SBK1: variants seen among roughly 807,000 people sequenced by gnomAD.
SBK1 encodes the protein SH3 domain binding kinase 1, also known as serine/threonine-protein kinase SBK1.
Under a neutral mutation model 24.4 loss-of-function variants are expected in SBK1, and 11 were observed. The ratio of observed to expected loss-of-function variants is 0.45; its 90% CI spans 0.28 to 0.75. SBK1 has a LOEUF of 0.75. SBK1 is among the 30% of genes least tolerant of loss of function. The pLI, the probability that SBK1 is intolerant of heterozygous loss-of-function variation, is 0.12. For synonymous variants in SBK1, 308 were observed against 284.4 expected, an observed-to-expected ratio of 1.08 and a Z score of -0.83; for missense variants, 467 against 620.5, an observed-to-expected ratio of 0.75 and a Z score of 2.63.
chr16:28,300,700 T>A (rs985818573), intron 1 of SBK1, among the ~76,000 whole-genome samples: 1 of 152,232 alleles, frequency 6.6e-6, no homozygotes, highest in Non-Finnish European at 1.5e-5. Context: ...CTCCTGAGAT[T>A]GTCATGAAGT....
In SBK1 at chr16:28,275,184, G is replaced by A. The variant is rs2044488601; in HGVS notation, c.257+15682G>A. 2.6e-5 allele frequency among the ~76,000 whole-genome samples: 4 copies of A among 152,160 alleles called. No homozygotes were observed. In the Middle Eastern group the frequency reaches 0.014, roughly 521 times the overall value. ...CATCTCTACAAAAAATTACAAATTA[G>A]CCAGTCACTGGGGCTTGTGCCTGTG... On this transcript the variant is annotated intron_variant, in intron 1 of 3. Coordinates refer to the SBK1 transcript ENST00000671413.
intron 1 of SBK1, among the ~76,000 whole-genome samples, chr16:28,283,432 G>C (rs942770151): frequency 6.6e-5 from 10 of 152,096 alleles, no homozygotes; most frequent in African/African-American, 2.4e-4. Flanking sequence ...CTGCTGTGTT[G>C]GCCTCCTCCT....
At position 28,322,945 on chromosome 16, in the gene SBK1, T is replaced by G. The variant is rs879235699; in HGVS notation, c.*2024T>G. ...CTCTCTCTCTCCCTCTCTCTCTCTC[T>G]CTCTCTCTCTCTCTCTCTCTCTCTC... On this transcript the variant is annotated 3_prime_UTR_variant, in exon 4 of 4. Transcript: ENST00000341901. 6 of 125,766 alleles carry G rather than the reference T, an allele frequency of 4.8e-5. No homozygotes were observed. The highest frequency in any genetic ancestry group is 1.0e-4 in the African/African-American group (3 of 29,142). 7.8% of individuals were successfully genotyped at this position (125,766 alleles called of 1,614,324 possible). A position where few individuals can be genotyped will look rare whatever the true frequency, so the allele number is the denominator to read the frequency against.
At chr16:28,283,723 C>T (rs942739813) in intron 1 of SBK1, among the ~76,000 whole-genome samples, 27 of 152,148 alleles carry the variant, frequency 1.8e-4, no homozygotes, top group African/African-American at 6.3e-4. Context: ...GGTTCTGTTA[C>T]CAGGTAGAGG....
chr16:28,275,156 C>A (rs12446454), intron 1 of SBK1, among the ~76,000 whole-genome samples: 1 of 151,872 alleles, frequency 6.6e-6, no homozygotes, highest in South Asian at 2.1e-4. Context: ...TGAGACCCTC[C>A]CCCATCTCTA....
At chr16:28,304,785 T>C (rs2044704087) in intron 1 of SBK1, among the ~76,000 whole-genome samples, 1 of 152,034 alleles carries the variant, frequency 6.6e-6, no homozygotes, top group Admixed American at 6.5e-5. Flanking sequence ...TTTTTTTGTA[T>C]TTTTAGTAGA....
At chr16:28,292,018 C>G (rs1041961444), upstream of SBK1, 1 of 152,076 alleles carries the variant, frequency 6.6e-6, no homozygotes, top group African/African-American at 2.4e-5. Context: ...TGGATGGAAG[C>G]GCAGGCAGGC....
chr16:28,275,701 G>A (rs537690022), intron 1 of SBK1, among the ~76,000 whole-genome samples: 4 of 152,146 alleles, frequency 2.6e-5, no homozygotes, highest in Admixed American at 6.6e-5. Flanking sequence ...GCAACATGAC[G>A]AAACCCTGAG....
At chr16:28,266,103 G>A (rs1021419291) in intron 1 of SBK1, among the ~76,000 whole-genome samples, 1 of 152,188 alleles carries the variant, frequency 6.6e-6, no homozygotes, top group Non-Finnish European at 1.5e-5. Flanking sequence ...GCTGAGTGCA[G>A]TGGCTCACAA....
chr16:28,280,149 A>ATATATGTGTGTGTGTGTG (rs1230385223), intron 1 of SBK1, among the ~76,000 whole-genome samples: 13 of 39,416 alleles, frequency 3.3e-4, no homozygotes, highest in African/African-American at 4.9e-4. Context: ...ATATATATAT[A>ATATATGTGTGTGTGTGTG]TGTGTGTGTG....
In SBK1 at chr16:28,293,190, G is replaced by T; in HGVS notation, c.-118G>T. ...GGGCGACTGAGCCCCTGGCGGCACC[G>T]CTTGCACCCCGGTCCATGGTCGTGG... is the stretch of plus-strand genomic sequence containing the variant. On this transcript the variant is annotated 5_prime_UTR_variant, in exon 1 of 4. Transcript: ENST00000341901. The T allele has an allele frequency of 1.0e-6, 1 of 985,458 alleles. No homozygotes were observed. The highest frequency in any genetic ancestry group is 1.2e-6 in the Non-Finnish European group (1 of 829,968). The allele number at this position is 985,458 out of a possible 1,614,324, so 61.0% of individuals were successfully genotyped here.
intron 1 of SBK1, among the ~76,000 whole-genome samples, chr16:28,282,192 G>C (rs999435547): frequency 1.3e-5 from 2 of 152,210 alleles, no homozygotes; most frequent in Non-Finnish European, 2.9e-5. Context: ...GGACCCAAGC[G>C]AGGAAAGTGT....
At chr16:28,264,343 G>T (rs2044415233) in intron 1 of SBK1, among the ~76,000 whole-genome samples, 1 of 151,950 alleles carries the variant, frequency 6.6e-6, no homozygotes, top group Non-Finnish European at 1.5e-5. Context: ...GGAGGCAGAG[G>T]CGGGCGGATC....
chr16:28,280,103 A>G (rs1337271307), intron 1 of SBK1, among the ~76,000 whole-genome samples: 2 of 120,638 alleles, frequency 1.7e-5, no homozygotes, highest in Non-Finnish European at 3.4e-5. Context: ...TGCCTCCCTA[A>G]TTTGAAAAAA....
At chr16:28,304,910 G>T (rs183009542) in intron 1 of SBK1, among the ~76,000 whole-genome samples, 5 of 151,898 alleles carry the variant, frequency 3.3e-5, no homozygotes, top group African/African-American at 1.2e-4. Flanking sequence ...GCACGGCAGC[G>T]GTAATTTTTT....
chr16:28,261,799 GC>G (rs1253043416), intron 1 of SBK1, among the ~76,000 whole-genome samples: 1 of 152,214 alleles, frequency 6.6e-6, no homozygotes, highest in African/African-American at 2.4e-5. Flanking sequence ...CATTTGGGAA[GC>G]CCCAGAAAGA....
At chr16:28,313,294 A>T (rs1174339215) in intron 1 of SBK1, among the ~76,000 whole-genome samples, 7 of 150,586 alleles carry the variant, frequency 4.6e-5, no homozygotes, top group Admixed American at 6.6e-5. Context: ...GACCCTGTTT[A>T]AAAAAAATTT....
chr16:28,269,462 C>G (rs542282628), intron 1 of SBK1, among the ~76,000 whole-genome samples: 2 of 152,040 alleles, frequency 1.3e-5, no homozygotes, highest in Non-Finnish European at 2.9e-5. Context: ...CAAAGGAGCT[C>G]CAGAAAGACA....
At chr16:28,264,719 A>G (rs1022450986) in intron 1 of SBK1, among the ~76,000 whole-genome samples, 4 of 152,160 alleles carry the variant, frequency 2.6e-5, no homozygotes, top group Non-Finnish European at 4.4e-5. Context: ...CTTCAGGGTC[A>G]TTGGTAAAAA....
Sources: allele counts gnomAD v4.1 joint callset (sites outside exome capture counted in the v4.1 genomes callset), GRCh38; gene constraint gnomAD v4.1.1; transcripts MANE v1.5; gene names NCBI Gene and HGNC (gene_info 2026-07-23, HGNC 2026-07-21).